DPP10: variants seen among roughly 807,000 people sequenced by gnomAD.
DPP10 encodes inactive dipeptidyl peptidase 10.
Under a neutral mutation model 120.9 loss-of-function variants are expected in DPP10, and 33 were observed. That is an observed-to-expected ratio of 0.27 (90% CI 0.21 to 0.37). The LOEUF is 0.37. DPP10 is among the 10% of genes least tolerant of loss of function. The probability of loss-of-function intolerance (pLI) is 1.00; values close to 1 mark genes in which losing one functional copy is unlikely to be tolerated. For synonymous variants in DPP10, 337 were observed against 326.1 expected (o/e 1.03, Z -0.36); for missense variants, 816 against 942.8 (o/e 0.87, Z 1.76).
intron 1 of DPP10, among the ~76,000 whole-genome samples, chr2:115,014,384 A>T (rs1349459008): frequency 6.6e-6 from 1 of 152,200 alleles, no homozygotes; most frequent in Non-Finnish European, 1.5e-5. Flanking sequence ...TACCCACAGG[A>T]GAAAGCGGGA....
intron 1 of DPP10, among the ~76,000 whole-genome samples, chr2:114,519,308 C>A (rs1684856795): frequency 6.6e-6 from 1 of 152,192 alleles, no homozygotes; most frequent in South Asian, 2.1e-4. Flanking sequence ...GGCCTCACCC[C>A]ATCTGTCACT....
chr2:115,663,236 T>C (rs894481431), intron 5 of DPP10, among the ~76,000 whole-genome samples: 5 of 152,186 alleles, frequency 3.3e-5, no homozygotes, highest in Non-Finnish European at 7.4e-5. Context: ...TTTTTAAAAT[T>C]CTTGAGCCAA....
chr2:114,472,914 A>G (rs1035877886), intron 1 of DPP10, among the ~76,000 whole-genome samples: 5 of 152,144 alleles, frequency 3.3e-5, no homozygotes, highest in African/African-American at 2.4e-5. Context: ...ACCTTAGCCA[A>G]TCTCCTCCCA....
chr2:114,806,439 A>G (rs1323910377), intron 1 of DPP10, among the ~76,000 whole-genome samples: 1 of 152,184 alleles, frequency 6.6e-6, no homozygotes, highest in Non-Finnish European at 1.5e-5. Context: ...TTACTAAACC[A>G]TTTTGATTTA....
chr2:115,022,151 C>T (rs1409988762), intron 1 of DPP10, among the ~76,000 whole-genome samples: 3 of 151,962 alleles, frequency 2.0e-5, no homozygotes, highest in African/African-American at 7.2e-5. Context: ...ATAGTACTGG[C>T]AGTCCTAGCC....
At chr2:114,705,194 A>C (rs1354942506) in intron 1 of DPP10, among the ~76,000 whole-genome samples, 1 of 152,158 alleles carries the variant, frequency 6.6e-6, no homozygotes, top group Non-Finnish European at 1.5e-5. Context: ...CTCTTCATAG[A>C]CCCAACTGGA....
In DPP10 at chr2:114,819,167, C is replaced by T. The variant is rs574652398; in HGVS notation, c.60+376329C>T. Among the ~76,000 whole-genome samples the T allele has an allele frequency of 2.1e-4, 31 of 149,022 alleles. No homozygotes were observed. The South Asian group carries it at 5.3e-3, about 25-fold the overall frequency. On this transcript the variant is annotated intron_variant, in intron 1 of 25. Transcript: ENST00000410059. ...AGTTCTCTTGCAGTGAGCTAAGCAA[C>T]TTGTTTTGTGATTTATTTATTGGAA...
intron 1 of DPP10, among the ~76,000 whole-genome samples, chr2:114,868,811 AG>A (rs1468938749): frequency 6.6e-6 from 1 of 152,182 alleles, no homozygotes; most frequent in Non-Finnish European, 1.5e-5. Context: ...GTGAATCTTA[AG>A]GCATCAGAGC....
At chr2:115,128,785 A>C (rs1370636793) in intron 1 of DPP10, among the ~76,000 whole-genome samples, 1 of 152,208 alleles carries the variant, frequency 6.6e-6, no homozygotes, top group African/African-American at 2.4e-5. Context: ...AGTTCATAAT[A>C]TAGTTTTATG....
chr2:114,927,346 T>C (rs1268595835), intron 1 of DPP10, among the ~76,000 whole-genome samples: 3 of 151,310 alleles, frequency 2.0e-5, no homozygotes, highest in Admixed American at 6.6e-5. Flanking sequence ...GTTGAGGACA[T>C]GTCCATGACA....
intron 1 of DPP10, among the ~76,000 whole-genome samples, chr2:115,120,316 T>C (rs2049757061): frequency 6.6e-6 from 1 of 152,112 alleles, no homozygotes. Context: ...TGCCTCTGGA[T>C]TGGTGCTGGA....
chr2:115,807,414 A>T (rs371592200), intron 19 of DPP10, among the ~76,000 whole-genome samples: 1 of 152,152 alleles, frequency 6.6e-6, no homozygotes, highest in Middle Eastern at 3.2e-3. Flanking sequence ...ATTAATATCT[A>T]TGCTGTTCAG....
intron 1 of DPP10, among the ~76,000 whole-genome samples, chr2:114,925,210 C>CAAAAAAAAAA (rs66986816): frequency 1.9e-5 from 2 of 104,820 alleles, no homozygotes; most frequent in Admixed American, 1.1e-4. Context: ...GACTCTGTCT[C>CAAAAAAAAAA]AAAAAAAAAA....
At chr2:115,502,662 C>CTTAA (rs2076741918) in intron 4 of DPP10, among the ~76,000 whole-genome samples, 1 of 152,056 alleles carries the variant, frequency 6.6e-6, no homozygotes. Context: ...GCCCCATGTG[C>CTTAA]TTAAGTATAG....
chr2:115,286,033 A>C (rs1040231401), intron 1 of DPP10, among the ~76,000 whole-genome samples: 1 of 151,864 alleles, frequency 6.6e-6, no homozygotes, highest in African/African-American at 2.4e-5. Context: ...TAAAGTGTTC[A>C]GTTTTAAATC....
intron 5 of DPP10, among the ~76,000 whole-genome samples, chr2:115,670,781 C>G (rs779174888): frequency 2.6e-5 from 4 of 152,094 alleles, no homozygotes; most frequent in Non-Finnish European, 4.4e-5. Flanking sequence ...ATATTGTCTA[C>G]TTGATGCTGA....
At chr2:115,609,362 A>G (rs1239763405) in intron 5 of DPP10, among the ~76,000 whole-genome samples, 2 of 152,146 alleles carry the variant, frequency 1.3e-5, no homozygotes, top group Non-Finnish European at 2.9e-5. Flanking sequence ...TGAAAATCAC[A>G]AAGAAAGTTG....
chr2:114,874,099 A>G (rs1690943176), intron 1 of DPP10, among the ~76,000 whole-genome samples: 1 of 152,146 alleles, frequency 6.6e-6, no homozygotes, highest in Non-Finnish European at 1.5e-5. Context: ...ATTAGCAGAG[A>G]TTTTGGAAGA....
chr2:115,295,398 C>T (rs764381918), intron 1 of DPP10, among the ~76,000 whole-genome samples: 2 of 152,060 alleles, frequency 1.3e-5, no homozygotes, highest in Non-Finnish European at 2.9e-5. Context: ...TACTACTTTT[C>T]TGCAGATATA....
Sources: gnomAD v4.1 joint callset for allele counts (sites outside exome capture counted in the v4.1 genomes callset) on GRCh38, gnomAD v4.1.1 for gene constraint, MANE v1.5 for transcripts, NCBI Gene and HGNC (gene_info 2026-07-23, HGNC 2026-07-21) for gene names.